Variants in TASOR2 observed in about 807,000 individuals in gnomAD.
TASOR2 encodes protein TASOR 2.
Under a neutral mutation model 199.5 loss-of-function variants are expected in TASOR2, and 84 were observed. That is an observed-to-expected ratio of 0.42 (90% confidence interval 0.35 to 0.50). The LOEUF (loss-of-function observed/expected upper bound fraction) is 0.50, where lower values mean the gene tolerates loss of function less well. TASOR2 is among the 20% of genes least tolerant of loss of function. TASOR2 has a pLI of 0.02. For synonymous variants in TASOR2, 1,103 were observed against 1,046.6 expected (o/e 1.05, Z -1.04); for missense variants, 2,796 against 2,835.9 (o/e 0.99, Z 0.32).
At chr10:5,694,862 G>A (rs774592901) in intron 1 of TASOR2, among the ~76,000 whole-genome samples, 1 of 152,052 alleles carries the variant, frequency 6.6e-6, no homozygotes, top group East Asian at 1.9e-4. Flanking sequence ...TGACCTATTA[G>A]TATGGTTAAA....
Position 5,748,658 on chromosome 10 carries a change from A to C in TASOR2, c.5237A>C (p.Asn1746Thr). The C allele has an allele frequency of 6.2e-7, 1 of 1,614,240 alleles. No homozygotes were observed. Among genetic ancestry groups the C allele is most frequent in the Non-Finnish European group, 8.5e-7 (1 of 1,180,042 alleles). The change falls in exon 15 of 21, where the codon AAT becomes ACT. Residue 1746 changes from asparagine (N) to threonine (T), a missense_variant. This residue lies in a region of TASOR2 where 1,941 missense variants were observed against 1,924.9 expected (regional missense o/e 1.01). Coordinates refer to ENST00000328090, the Ensembl canonical transcript of TASOR2. The surrounding 1 kb of genome is among the most constrained non-coding windows in gnomAD (Gnocchi z 5.1). ...ACATGTGAAACAAAGGAGCTATTGA[A>C]TGTCGGGGTTTCCTCCCTTTGTGCT...
intron 1 of TASOR2, among the ~76,000 whole-genome samples, chr10:5,709,814 G>T (rs1831681284): frequency 6.6e-6 from 1 of 152,076 alleles, no homozygotes; most frequent in African/African-American, 2.4e-5. Flanking sequence ...ATAATCATTA[G>T]TCCAAAAGTA....
rs1835822817 is a variant in TASOR2, at chr10:5,737,672, T to TA, written c.1448-1945dup. On this transcript the variant is annotated intron_variant, in intron 12 of 20. Transcript: ENST00000328090. This position sits in a 1 kb window ranked among gnomAD's most constrained non-coding sequence, Gnocchi z 4.9. ...TGAGAACATTCTATAATTTAATTCA[T>TA]ACTGTTTTCAATTCATCTGACATGT... 6.6e-6 allele frequency among the ~76,000 whole-genome samples: 1 copy of TA among 152,218 alleles called. No homozygotes were observed. Among genetic ancestry groups the TA allele is most frequent in the Non-Finnish European group, 1.5e-5 (1 of 68,042 alleles).
chr10:5,746,457 A>G (rs778848200), exon 15 of TASOR2: 1 of 1,614,102 alleles, frequency 6.2e-7, no homozygotes, highest in South Asian at 1.1e-5. Context: ...CAGTGCAAAC[A>G]AAAACAGGTA....
At position 5,738,217 on chromosome 10, in the gene TASOR2, G is replaced by A. The variant is rs544935637; in HGVS notation, c.1448-1401G>A. 2.6e-5 allele frequency among the ~76,000 whole-genome samples: 4 copies of A among 152,132 alleles called. No homozygotes were observed. The highest frequency in any genetic ancestry group is 9.6e-5 in the African/African-American group (4 of 41,526). On this transcript the variant is annotated intron_variant, in intron 12 of 20. Transcript: ENST00000328090. This position sits in a 1 kb window ranked among gnomAD's most constrained non-coding sequence, Gnocchi z 4.7. The stretch of plus-strand genomic sequence containing the variant: ...TGTAGTTCCTTTGGCATTGTCTTAT[G>A]TATGTCTTAAATAGAAATTATGGGT...
intron 12 of TASOR2, among the ~76,000 whole-genome samples, chr10:5,736,945 G>T (rs1835694463): frequency 1.3e-5 from 2 of 152,094 alleles, no homozygotes; most frequent in South Asian, 2.1e-4. Flanking sequence ...TTCAGAGAAA[G>T]AAATTGGATT....
In TASOR2 at chr10:5,756,758, C is replaced by G. The variant is rs765330508; in HGVS notation, c.6732+20C>G. The G allele has an allele frequency of 8.1e-6, 13 of 1,608,060 alleles. No homozygotes were observed. In the South Asian group the frequency reaches 1.3e-4, roughly 16 times the overall value. On this transcript the variant is annotated intron_variant, in intron 16 of 20. Coordinates refer to ENST00000328090, the Ensembl canonical transcript of TASOR2. ...CATCAGGTCGGTTGGAAATACCTTACAAAGAAACGTATTCCAGGCACATAA... is the reference window on the plus strand; with the variant it reads ...CATCAGGTCGGTTGGAAATACCTTAGAAAGAAACGTATTCCAGGCACATAA...
Position 5,689,799 on chromosome 10 carries a change from A to C in TASOR2, c.-288+4624A>C, listed in dbSNP as rs1284883564. On this transcript the variant is annotated intron_variant, in intron 1 of 20. Coordinates refer to ENST00000328090, the Ensembl canonical transcript of TASOR2. The surrounding 1 kb of genome is among the most constrained non-coding windows in gnomAD (Gnocchi z 4.1). ...TCTTCTGGTCTTTTACTCTTCTTTCACTTTGTTTCCCACAGCTTCCCCAAC... is the reference window on the plus strand; with the variant it reads ...TCTTCTGGTCTTTTACTCTTCTTTCCCTTTGTTTCCCACAGCTTCCCCAAC... Among the ~76,000 whole-genome samples the C allele has an allele frequency of 1.3e-5, 2 of 152,080 alleles. No homozygotes were observed. The highest frequency in any genetic ancestry group is 2.9e-5 in the Non-Finnish European group (2 of 68,014).
At chr10:5,747,578 T>C in exon 15 of TASOR2, 1 of 1,614,222 alleles carries the variant, frequency 6.2e-7, no homozygotes. Flanking sequence ...GAAATTAATG[T>C]GACCTCTGAT....
rs929060557 is a variant in TASOR2, at chr10:5,685,171, G to T, written c.-292G>T. The stretch of plus-strand genomic sequence containing the variant: ...CCTCGGGGGCGGCGGCCACGCCAAG[G>T]ACGGGTAAGTCCCTCCTCGGCCTGG... On this transcript the variant is annotated 5_prime_UTR_variant, in exon 1 of 21. Coordinates refer to ENST00000328090, the Ensembl canonical transcript of TASOR2. The surrounding 1 kb of genome is among the most constrained non-coding windows in gnomAD (Gnocchi z 5.4). 32 of 398,020 alleles carry T rather than the reference G, an allele frequency of 8.0e-5. No individual in the cohort carries two copies. The highest frequency in any genetic ancestry group is 6.0e-4 in the African/African-American group (29 of 48,606). The allele number at this position is 398,020 out of a possible 1,614,324, so 24.7% of individuals were successfully genotyped here.
rs1786319141 is a variant in TASOR2, at chr10:5,722,925, T to C, written c.147-752T>C. On this transcript the variant is annotated intron_variant, in intron 6 of 20. Coordinates refer to ENST00000328090, the Ensembl canonical transcript of TASOR2. This position sits in a 1 kb window ranked among gnomAD's most constrained non-coding sequence, Gnocchi z 4.0. ...CGGGAGGCTGAGGCAGGGTAATCAC[T>C]TGAACCCGGGAGTCAGAGGTTGCAG... 6.6e-6 allele frequency among the ~76,000 whole-genome samples: 1 copy of C among 151,016 alleles called. No homozygotes were observed. Among genetic ancestry groups the C allele is most frequent in the Admixed American group, 6.6e-5 (1 of 15,178 alleles).
chr10:5,692,838 A>C (rs778779166), intron 1 of TASOR2: 3 of 152,184 alleles, frequency 2.0e-5, no homozygotes, highest in African/African-American at 7.2e-5. Flanking sequence ...GCTCTGGCGC[A>C]CTGGCCTTGG....
chr10:5,748,310 A>G lies in TASOR2; in HGVS notation c.4889A>G (p.Tyr1630Cys). 6.2e-7 allele frequency: 1 copy of G among 1,614,264 alleles called. No individual in the cohort carries two copies. Among genetic ancestry groups the G allele is most frequent in the Non-Finnish European group, 8.5e-7 (1 of 1,180,050 alleles). The change falls in exon 15 of 21, where the codon TAT becomes TGT. Residue 1630 changes from tyrosine to cysteine, a missense_variant. Physicochemically the swap from Tyr to Cys is radical, Grantham distance 194. Coordinates refer to ENST00000328090, the Ensembl canonical transcript of TASOR2. This position sits in a 1 kb window ranked among gnomAD's most constrained non-coding sequence, Gnocchi z 5.1. ...GATTTGAAAACAGATGAAGGCATTT[A>G]TCTGCAGGTGAAGTCCTTGACAGCT...
At position 5,754,638 on chromosome 10, in the gene TASOR2, A is replaced by G. The variant is rs915551373; in HGVS notation, c.6607-1975A>G. Among the ~76,000 whole-genome samples the G allele has an allele frequency of 7.2e-5, 11 of 151,980 alleles. No individual in the cohort carries two copies. The highest frequency in any genetic ancestry group is 1.5e-5 in the Non-Finnish European group (1 of 67,996). On this transcript the variant is annotated intron_variant, in intron 15 of 20. Transcript: ENST00000328090. The surrounding 1 kb of genome is among the most constrained non-coding windows in gnomAD (Gnocchi z 4.3). ...CTCCATAGCAGGAGTTCTTCTAGAT[A>G]TCTTGCTTGTTTCTATAGTGAATGT...
At chr10:5,746,932 C>G in exon 15 of TASOR2, 1 of 1,614,228 alleles carries the variant, frequency 6.2e-7, no homozygotes, top group Non-Finnish European at 8.5e-7. Context: ...TTCTAGTCAT[C>G]TATCACCCAG....
intron 13 of TASOR2, among the ~76,000 whole-genome samples, chr10:5,741,388 A>G (rs377424545): frequency 3.9e-5 from 6 of 152,324 alleles, no homozygotes; most frequent in African/African-American, 1.2e-4. Flanking sequence ...ACATCTGACT[A>G]TATGGACTCT....
chr10:5,734,360 A>C (rs1161741927), intron 11 of TASOR2, among the ~76,000 whole-genome samples: 1 of 152,090 alleles, frequency 6.6e-6, no homozygotes, highest in East Asian at 1.9e-4. Context: ...AACCAGGTGC[A>C]CACTTTCCTC....
At chr10:5,741,930 T>C (rs1046947983) in intron 13 of TASOR2, among the ~76,000 whole-genome samples, 167 bp from the exon 15 acceptor site, 2 of 152,222 alleles carry the variant, frequency 1.3e-5, no homozygotes, top group Non-Finnish European at 1.5e-5. Context: ...AGATGGATAA[T>C]TATTTGTTAA....
chr10:5,736,310 C>T lies in TASOR2; in HGVS notation c.1447+764C>T, dbSNP rs1193291809. 4.0e-5 allele frequency among the ~76,000 whole-genome samples: 6 copies of T among 151,878 alleles called. No homozygotes were observed. In the East Asian group the frequency reaches 9.7e-4, roughly 25 times the overall value. On this transcript the variant is annotated intron_variant, in intron 12 of 20. Transcript: ENST00000328090. Reference sequence around the variant, plus strand: ...GCACATGCCTGTAATCCCAGCTACTCGGGAGGCTGAGGCAGGAGAATCGCT... The same window carrying T: ...GCACATGCCTGTAATCCCAGCTACTTGGGAGGCTGAGGCAGGAGAATCGCT...
Sources: gnomAD v4.1 joint callset for allele counts (sites outside exome capture counted in the v4.1 genomes callset) on GRCh38, gnomAD v4.1.1 for gene constraint, gnomAD v4.1.1 regional missense constraint, Gnocchi (gnomAD v3.1) non-coding constraint, MANE v1.5 for transcripts, NCBI Gene and HGNC (gene_info 2026-07-23, HGNC 2026-07-21) for gene names.